The following RPS6KC1 variants were observed in gnomAD, a reference collection of about 807,000 sequenced individuals.
The protein encoded by RPS6KC1 is inactive ribosomal protein S6 kinase delta-1.
A neutral mutation model predicts 103.8 loss-of-function variants in RPS6KC1; 54 were observed. The observed-to-expected ratio is 0.52, with a 90% CI of 0.42 to 0.65. RPS6KC1 has a LOEUF of 0.65. Ranked by LOEUF, RPS6KC1 falls within the 30% of genes least tolerant of loss-of-function variation. The probability of loss-of-function intolerance (pLI) is 0.00; values close to 1 mark genes in which losing one functional copy is unlikely to be tolerated. For missense variants in RPS6KC1, 1,151 were observed against 1,253.8 expected (o/e 0.92, Z 1.24); for synonymous variants, 439 against 438.7 (o/e 1.00, Z -0.01).
chr1:213,272,477 A>G, intron 14 of RPS6KC1, 47 bp from the exon 15 acceptor site: 2 of 1,427,796 alleles, frequency 1.4e-6, no homozygotes, highest in Non-Finnish European at 2.0e-6. Context: ...TTTTCCTTTG[A>G]TTTGCCAGTT....
the RPS6KC1 span, among the ~76,000 whole-genome samples, chr1:213,307,665 T>G: frequency 1.3e-5 from 2 of 152,206 alleles, no homozygotes; most frequent in Non-Finnish European, 2.9e-5. Context: ...CCTTTCCTTT[T>G]CAGTTCCTTC....
the RPS6KC1 span, among the ~76,000 whole-genome samples, chr1:213,422,822 A>G: frequency 3.9e-5 from 6 of 152,262 alleles, no homozygotes; most frequent in Admixed American, 3.9e-4. Context: ...CAAGGATTCA[A>G]CCAAGGCATC....
At chr1:213,288,271 C>G in the RPS6KC1 span, among the ~76,000 whole-genome samples, 1 of 152,286 alleles carries the variant, frequency 6.6e-6, no homozygotes, top group South Asian at 2.1e-4. Context: ...GAATACCATC[C>G]CAGTCAGCCT....
chr1:213,715,771 A>G, the RPS6KC1 span, among the ~76,000 whole-genome samples: 1 of 152,180 alleles, frequency 6.6e-6, no homozygotes, highest in African/African-American at 2.4e-5. Flanking sequence ...AAGAGGGAAA[A>G]ATATAATAAA....
At chr1:213,701,269 T>C in the RPS6KC1 span, among the ~76,000 whole-genome samples, 2 of 152,030 alleles carry the variant, frequency 1.3e-5, no homozygotes, top group African/African-American at 2.4e-5. Flanking sequence ...TGAAGACATG[T>C]TGAATTTTCT....
At chr1:213,449,916 T>G in the RPS6KC1 span, among the ~76,000 whole-genome samples, 1 of 152,248 alleles carries the variant, frequency 6.6e-6, no homozygotes, top group African/African-American at 2.4e-5. Context: ...CCAGGCTTTA[T>G]GTAAAACCTG....
intron 8 of RPS6KC1, among the ~76,000 whole-genome samples, chr1:213,183,581 A>G (rs1046730590): frequency 2.4e-5 from 1 of 41,774 alleles, no homozygotes; most frequent in African/African-American, 4.3e-5. Context: ...AAGGGTATTA[A>G]AAAAAAATGC....
intron 8 of RPS6KC1, among the ~76,000 whole-genome samples, chr1:213,188,383 T>G (rs899416859): frequency 3.3e-5 from 5 of 152,058 alleles, no homozygotes; most frequent in Non-Finnish European, 4.4e-5. Context: ...GGAGGTCTGA[T>G]TCCCTTGCCA....
chr1:213,412,864 T>A, the RPS6KC1 span, among the ~76,000 whole-genome samples: 2 of 152,370 alleles, frequency 1.3e-5, no homozygotes, highest in East Asian at 3.9e-4. Context: ...AGTCACTGTG[T>A]TCTGTTGACA....
intron 3 of RPS6KC1, among the ~76,000 whole-genome samples, chr1:213,081,669 CCTTTCT>C (rs1418127748): frequency 2.7e-5 from 3 of 110,022 alleles, no homozygotes; most frequent in Non-Finnish European, 3.8e-5. Flanking sequence ...TTTTTTTTTT[CCTTTCT>C]CTTTCTCATA....
intron 6 of RPS6KC1, among the ~76,000 whole-genome samples, chr1:213,149,272 G>T (rs1242300810): frequency 6.6e-6 from 1 of 151,718 alleles, no homozygotes; most frequent in Non-Finnish European, 1.5e-5. Flanking sequence ...CCTCTTTTTT[G>T]ATGTAGGCAC....
At chr1:213,145,798 T>A (rs2087689497) in intron 6 of RPS6KC1, among the ~76,000 whole-genome samples, 1 of 151,982 alleles carries the variant, frequency 6.6e-6, no homozygotes, top group Non-Finnish European at 1.5e-5. Flanking sequence ...AGGCATGCAA[T>A]GTCAGATAAG....
At chr1:213,116,216 A>G (rs370643061) in intron 4 of RPS6KC1, among the ~76,000 whole-genome samples, 26 of 151,976 alleles carry the variant, frequency 1.7e-4, no homozygotes, top group Non-Finnish European at 3.2e-4. Flanking sequence ...CTCAGGACTT[A>G]CTTTATGAAT....
At chr1:213,737,119 T>C in the RPS6KC1 span, among the ~76,000 whole-genome samples, 1 of 152,216 alleles carries the variant, frequency 6.6e-6, no homozygotes, top group Admixed American at 6.5e-5. Context: ...GTTGATACCT[T>C]AACAATTTCA....
At chr1:213,724,901 G>T in the RPS6KC1 span, among the ~76,000 whole-genome samples, 1 of 152,114 alleles carries the variant, frequency 6.6e-6, no homozygotes, top group African/African-American at 2.4e-5. Context: ...CACATTTATA[G>T]TCAAAGAAAC....
chr1:213,435,651 A>G, the RPS6KC1 span, among the ~76,000 whole-genome samples: 4 of 152,230 alleles, frequency 2.6e-5, no homozygotes, highest in African/African-American at 7.2e-5. Flanking sequence ...AGGTTTTCCA[A>G]TTTGGCTGGT....
intron 3 of RPS6KC1, among the ~76,000 whole-genome samples, chr1:213,093,969 T>A (rs2081223217): frequency 1.3e-5 from 2 of 152,202 alleles, no homozygotes; most frequent in African/African-American, 4.8e-5. Context: ...TTTGCCATGC[T>A]TCTTTTCAGC....
Position 213,101,006 on chromosome 1 carries a change from A to T in RPS6KC1, c.263-3448A>T, listed in dbSNP as rs138979980. Reference sequence around the variant, plus strand: ...TTTAGTTCTTTGAGAAATCTCAAACATGCCTTCCACAGGGGCTGAACTAAT... The same window carrying T: ...TTTAGTTCTTTGAGAAATCTCAAACTTGCCTTCCACAGGGGCTGAACTAAT... On this transcript the variant is annotated intron_variant, in intron 3 of 14. Transcript: ENST00000366960. 1.1e-4 allele frequency among the ~76,000 whole-genome samples: 16 copies of T among 152,264 alleles called. No homozygotes were observed. The East Asian group carries it at 2.7e-3, about 26-fold the overall frequency.
the RPS6KC1 span, among the ~76,000 whole-genome samples, chr1:213,693,007 T>C: frequency 1.3e-5 from 2 of 151,948 alleles, no homozygotes; most frequent in African/African-American, 4.8e-5. Context: ...CACACCAGAG[T>C]CTCTGCCCTA....
Sources: gnomAD v4.1 joint callset for allele counts (sites outside exome capture counted in the v4.1 genomes callset) on GRCh38, gnomAD v4.1.1 for gene constraint, MANE v1.5 for transcripts, NCBI Gene and HGNC (gene_info 2026-07-23, HGNC 2026-07-21) for gene names.